Variants in ATG7 observed in about 807,000 individuals in gnomAD.
ATG7 encodes autophagy related 7.
Under a neutral mutation model 82.4 loss-of-function variants are expected in ATG7, and 70 were observed. That is an observed-to-expected ratio of 0.85 (90% confidence interval 0.70 to 1.04). The LOEUF is 1.04. Ranked by LOEUF, ATG7 falls within the 50% of genes least tolerant of loss-of-function variation. The pLI is 0.00. For synonymous variants in ATG7, 287 were observed against 313.0 expected (o/e 0.92, Z 0.88); for missense variants, 792 against 864.3 (o/e 0.92, Z 1.05).
chr3:11,439,042 C>T (rs1398211859), intron 20 of ATG7, among the ~76,000 whole-genome samples: 2 of 144,702 alleles, frequency 1.4e-5, no homozygotes, highest in South Asian at 2.3e-4. Context: ...AGCTCTTAGT[C>T]TTATTTTCTT....
At chr3:11,364,851 T>G in intron 18 of ATG7, 117 bp downstream of exon 18, 1 of 1,083,742 alleles carries the variant, frequency 9.2e-7, no homozygotes, top group South Asian at 1.5e-5. Flanking sequence ...ACCCTGCAGC[T>G]GGGATTTCAA....
intron 19 of ATG7, among the ~76,000 whole-genome samples, chr3:11,411,785 A>G (rs989354731): frequency 1.3e-5 from 2 of 151,984 alleles, no homozygotes; most frequent in Non-Finnish European, 2.9e-5. Context: ...TTAAGAAATC[A>G]TTGCTAAATC....
At chr3:11,510,070 T>C in intron 20 of ATG7, 1 of 347,358 alleles carries the variant, frequency 2.9e-6, no homozygotes, top group Non-Finnish European at 5.7e-6. Context: ...CTTTCTTTAT[T>C]CTGCCCGCCC....
the ATG7 span, among the ~76,000 whole-genome samples, chr3:11,575,732 C>T: frequency 6.6e-6 from 1 of 152,174 alleles, no homozygotes; most frequent in African/African-American, 2.4e-5. Context: ...CTATGGTGGC[C>T]CAAAAAGCCA....
intron 20 of ATG7, 93 bp from the exon 21 acceptor site, chr3:11,554,718 G>C (rs2072233700): frequency 6.8e-7 from 1 of 1,467,444 alleles, no homozygotes; most frequent in Non-Finnish European, 9.4e-7. Context: ...CTGCAGGTGG[G>C]AGCTGCCATG....
intron 20 of ATG7, among the ~76,000 whole-genome samples, chr3:11,506,554 CAAAAAA>C (rs754696496): frequency 4.0e-5 from 1 of 24,920 alleles, no homozygotes; most frequent in African/African-American, 1.7e-4. Context: ...CCCATCTCTA[CAAAAAA>C]AAAAAAAAAA....
chr3:11,289,668 C>G (rs1203196066), intron 3 of ATG7, among the ~76,000 whole-genome samples: 2 of 152,142 alleles, frequency 1.3e-5, no homozygotes, highest in Non-Finnish European at 2.9e-5. Flanking sequence ...AGCTATCTTC[C>G]TACCTCAGCT....
chr3:11,322,080 G>A (rs1950291557), intron 9 of ATG7, among the ~76,000 whole-genome samples: 1 of 152,112 alleles, frequency 6.6e-6, no homozygotes, highest in Admixed American at 6.5e-5. Flanking sequence ...AAGCAAATGC[G>A]CCTGTGATTG....
intron 9 of ATG7, among the ~76,000 whole-genome samples, chr3:11,317,138 C>G (rs1026517515): frequency 6.6e-6 from 1 of 152,056 alleles, no homozygotes; most frequent in Admixed American, 6.5e-5. Flanking sequence ...CCACTCCTGG[C>G]CCAGAGGAAG....
intron 18 of ATG7, among the ~76,000 whole-genome samples, chr3:11,373,874 A>G (rs1206390130): frequency 6.6e-6 from 1 of 152,212 alleles, no homozygotes; most frequent in African/African-American, 2.4e-5. Context: ...GTGGCAAGTC[A>G]GAGTTTTTCT....
chr3:11,419,607 A>G (rs756739111), intron 19 of ATG7, among the ~76,000 whole-genome samples: 6 of 152,216 alleles, frequency 3.9e-5, no homozygotes, highest in Non-Finnish European at 7.3e-5. Flanking sequence ...TCATGAATTG[A>G]AAATCATTAT....
At chr3:11,350,947 A>AAC (rs2075493609) in intron 14 of ATG7, among the ~76,000 whole-genome samples, 1 of 149,600 alleles carries the variant, frequency 6.7e-6, no homozygotes, top group African/African-American at 2.4e-5. Flanking sequence ...AAAAAAAAAA[A>AAC]AGCAGTGATC....
At chr3:11,507,110 C>T (rs922199398) in intron 20 of ATG7, among the ~76,000 whole-genome samples, 1 of 152,048 alleles carries the variant, frequency 6.6e-6, no homozygotes, top group Non-Finnish European at 1.5e-5. Context: ...AGTGAAACCC[C>T]GCCTCTACTA....
At chr3:11,287,554 A>G (rs1413480482) in intron 3 of ATG7, among the ~76,000 whole-genome samples, 3 of 152,148 alleles carry the variant, frequency 2.0e-5, no homozygotes, top group African/African-American at 4.8e-5. Flanking sequence ...GCATAAGGAA[A>G]CCATCAGAGG....
intron 19 of ATG7, among the ~76,000 whole-genome samples, chr3:11,408,004 T>G (rs967589537): frequency 1.3e-5 from 2 of 152,250 alleles, no homozygotes; most frequent in African/African-American, 4.8e-5. Context: ...CTTGAATTTC[T>G]CCTCAGAAAA....
chr3:11,546,162 A>ATTTTTTTTTTT lies in ATG7; in HGVS notation c.2080-8632_2080-8622dup, dbSNP rs36042370. Among the ~76,000 whole-genome samples, 2 of 68,894 alleles carry ATTTTTTTTTTT rather than the reference A, an allele frequency of 2.9e-5. 1 individual carries two copies. Among genetic ancestry groups the ATTTTTTTTTTT allele is most frequent in the African/African-American group, 1.2e-4 (2 of 17,076 alleles). 45.2% of individuals were successfully genotyped at this position (68,894 alleles called of 152,430 possible). A position where few individuals can be genotyped will look rare whatever the true frequency, so the allele number is the denominator to read the frequency against. On this transcript the variant is annotated intron_variant, in intron 20 of 20. Transcript: ENST00000693202. The stretch of plus-strand genomic sequence containing the variant: ...AAAAGTAAAGAAATGCCAAAACTGG[A>ATTTTTTTTTTT]TTTTTTTTTTTTTTTTTTTTTTTTT...
chr3:11,403,347 T>TTTA (rs1553644682), intron 19 of ATG7, among the ~76,000 whole-genome samples: 3 of 152,012 alleles, frequency 2.0e-5, no homozygotes, highest in Non-Finnish European at 2.9e-5. Context: ...TTTTTTTTTT[T>TTTA]AATCTCTTAA....
At chr3:11,438,662 A>G (rs2083586326) in intron 20 of ATG7, among the ~76,000 whole-genome samples, 1 of 152,190 alleles carries the variant, frequency 6.6e-6, no homozygotes, top group South Asian at 2.1e-4. Context: ...CCTGGCCAGA[A>G]GCTCTGATTG....
intron 20 of ATG7, among the ~76,000 whole-genome samples, chr3:11,486,716 G>A (rs984147514): frequency 3.3e-5 from 5 of 151,740 alleles, no homozygotes; most frequent in Admixed American, 1.3e-4. Flanking sequence ...TGTCCCATCA[G>A]TACCTAATTT....
Sources: allele counts gnomAD v4.1 joint callset (sites outside exome capture counted in the v4.1 genomes callset), GRCh38; gene constraint gnomAD v4.1.1; transcripts MANE v1.5; gene names NCBI Gene and HGNC (gene_info 2026-07-23, HGNC 2026-07-21).